RNLS: variants seen among roughly 807,000 people sequenced by gnomAD.
RNLS encodes renalase.
A neutral mutation model predicts 39.8 loss-of-function variants in RNLS; 39 were observed. That is an observed-to-expected ratio of 0.98 (90% CI 0.76 to 1.28). RNLS has a LOEUF of 1.28. RNLS is among the 50% of genes most tolerant of loss of function. RNLS has a pLI of 0.00. For missense variants in RNLS, 410 were observed against 413.3 expected (o/e 0.99, Z 0.07); for synonymous variants, 147 against 150.7 (o/e 0.98, Z 0.18).
chr10:88,226,330 C>T, the RNLS span, among the ~76,000 whole-genome samples: 1 of 152,154 alleles, frequency 6.6e-6, no homozygotes, highest in Non-Finnish European at 1.5e-5. Flanking sequence ...TTAATCCCTG[C>T]AATTAACGTC....
chr10:88,505,993 C>A (rs988123983), intron 4 of RNLS, among the ~76,000 whole-genome samples: 1 of 152,102 alleles, frequency 6.6e-6, no homozygotes, highest in African/African-American at 2.4e-5. Context: ...GACTGGGCTC[C>A]AACACAGACC....
the RNLS span, among the ~76,000 whole-genome samples, chr10:88,230,916 G>A: frequency 6.6e-6 from 1 of 152,158 alleles, no homozygotes; most frequent in Non-Finnish European, 1.5e-5. Flanking sequence ...TGTCTATGAT[G>A]ATATAGCCAG....
At chr10:88,540,593 T>TGTG (rs1847986319) in intron 4 of RNLS, among the ~76,000 whole-genome samples, 1 of 152,140 alleles carries the variant, frequency 6.6e-6, no homozygotes, top group African/African-American at 2.4e-5. Context: ...ACAAAGAATG[T>TGTG]GTGGCTACAA....
At chr10:88,242,550 T>C in the RNLS span, among the ~76,000 whole-genome samples, 3 of 152,208 alleles carry the variant, frequency 2.0e-5, no homozygotes, top group Admixed American at 6.5e-5. Context: ...CTGTTTTTTT[T>C]CTCATAGTTT....
At chr10:88,235,689 G>A in the RNLS span, among the ~76,000 whole-genome samples, 2 of 152,114 alleles carry the variant, frequency 1.3e-5, no homozygotes, top group South Asian at 2.1e-4. Context: ...TCATTGATAT[G>A]CCATTTTTGT....
At chr10:88,363,260 G>A (rs1267181114) in intron 4 of RNLS, among the ~76,000 whole-genome samples, 1 of 152,094 alleles carries the variant, frequency 6.6e-6, no homozygotes, top group Non-Finnish European at 1.5e-5. Flanking sequence ...GGGCATTGGG[G>A]AGGGACAGCA....
intron 5 of RNLS, among the ~76,000 whole-genome samples, chr10:88,316,621 C>G (rs1845782069): frequency 6.6e-6 from 1 of 152,110 alleles, no homozygotes; most frequent in Admixed American, 6.6e-5. Flanking sequence ...ACTGACCCAG[C>G]TATTTGTTCC....
At chr10:88,217,843 T>C in the RNLS span, among the ~76,000 whole-genome samples, 13 of 150,576 alleles carry the variant, frequency 8.6e-5, no homozygotes, top group Non-Finnish European at 7.4e-5. Flanking sequence ...AGTTTGAGAC[T>C]AGCCTGGCCA....
At chr10:88,525,091 G>A (rs1847035587) in intron 4 of RNLS, among the ~76,000 whole-genome samples, 1 of 149,896 alleles carries the variant, frequency 6.7e-6, no homozygotes, top group African/African-American at 2.5e-5. Context: ...AAGTTATCTG[G>A]AGCATAAAAT....
intron 4 of RNLS, among the ~76,000 whole-genome samples, chr10:88,424,781 A>ACTC (rs1854628853): frequency 6.6e-6 from 1 of 152,124 alleles, no homozygotes; most frequent in African/African-American, 2.4e-5. Flanking sequence ...AGTAAGGAAA[A>ACTC]TGCATAGGAC....
intron 4 of RNLS, among the ~76,000 whole-genome samples, chr10:88,380,995 CTGTT>C (rs776783954): frequency 3.3e-5 from 5 of 152,128 alleles, no homozygotes; most frequent in African/African-American, 4.8e-5. Flanking sequence ...AACCATTAAA[CTGTT>C]TGATCATTAC....
At chr10:88,432,617 T>G (rs1033842229) in intron 4 of RNLS, among the ~76,000 whole-genome samples, 22 of 152,140 alleles carry the variant, frequency 1.4e-4, no homozygotes, top group African/African-American at 5.3e-4. Context: ...CCTTTGTTGA[T>G]TTATGAGCTA....
chr10:88,415,260 A>G (rs1695075902), intron 4 of RNLS, among the ~76,000 whole-genome samples: 1 of 152,236 alleles, frequency 6.6e-6, no homozygotes, highest in African/African-American at 2.4e-5. Context: ...CCTCTCCCCA[A>G]ATAAACAATT....
chr10:88,476,908 T>G (rs985221855), intron 4 of RNLS, among the ~76,000 whole-genome samples: 8 of 152,116 alleles, frequency 5.3e-5, no homozygotes, highest in African/African-American at 1.9e-4. Flanking sequence ...CAACAAGGCC[T>G]GCTGAATTCA....
At chr10:88,546,767 C>A (rs1659742547) in intron 4 of RNLS, among the ~76,000 whole-genome samples, 2 of 152,064 alleles carry the variant, frequency 1.3e-5, no homozygotes, top group African/African-American at 4.8e-5. Flanking sequence ...ATGTTAAAAT[C>A]TTTGCCAACT....
At chr10:88,546,977 A>G (rs1848346134) in intron 4 of RNLS, among the ~76,000 whole-genome samples, 2 of 152,110 alleles carry the variant, frequency 1.3e-5, no homozygotes, top group Admixed American at 6.5e-5. Flanking sequence ...TAGAAAGACT[A>G]TGATGCATCC....
At chr10:88,448,217 A>G (rs947153589) in intron 4 of RNLS, among the ~76,000 whole-genome samples, 1 of 152,268 alleles carries the variant, frequency 6.6e-6, no homozygotes, top group Non-Finnish European at 1.5e-5. Context: ...CAGAGTGAAC[A>G]GGCAACCTAC....
chr10:88,420,511 T>C (rs1283145817), intron 4 of RNLS, among the ~76,000 whole-genome samples: 2 of 152,200 alleles, frequency 1.3e-5, no homozygotes, highest in Non-Finnish European at 1.5e-5. Context: ...ATAGCTCTTC[T>C]AGTTTCAGAT....
At chr10:88,286,545 T>C (rs927772474) in intron 6 of RNLS, among the ~76,000 whole-genome samples, 1 of 152,038 alleles carries the variant, frequency 6.6e-6, no homozygotes, top group Admixed American at 6.6e-5. Context: ...GAAAACTTGT[T>C]GTAATGGCCA....
Sources: allele counts gnomAD v4.1 joint callset (sites outside exome capture counted in the v4.1 genomes callset), GRCh38; gene constraint gnomAD v4.1.1; transcripts MANE v1.5; gene names NCBI Gene and HGNC (gene_info 2026-07-23, HGNC 2026-07-21).